MSRA: variants seen among roughly 807,000 people sequenced by gnomAD.
MSRA encodes the protein methionine sulfoxide reductase A.
MSRA carries 54 observed loss-of-function variants against 31.3 expected under a neutral mutation model. The ratio of observed to expected loss-of-function variants is 1.73; its 90% confidence interval spans 1.39 to 2.17. The LOEUF is 2.17. Ranked by LOEUF, MSRA falls within the 30% of genes most tolerant of loss-of-function variation. The pLI is 0.00. For synonymous variants in MSRA, 169 were observed against 116.5 expected (o/e 1.45, Z -2.90); for missense variants, 507 against 300.9 (o/e 1.69, Z -5.07).
chr8:10,295,053 C>A (rs959340593), intron 3 of MSRA, among the ~76,000 whole-genome samples: 2 of 152,172 alleles, frequency 1.3e-5, no homozygotes, highest in African/African-American at 2.4e-5. Flanking sequence ...ACTTACATAG[C>A]AGGCACTCCT....
intron 1 of MSRA, among the ~76,000 whole-genome samples, chr8:10,166,987 G>C (rs75117118): frequency 0.022 from 3,368 of 152,252 alleles, 117 homozygotes; most frequent in African/African-American, 0.076. Flanking sequence ...TATGAGAAGA[G>C]GATGAGGTGA....
chr8:10,403,648 A>G (rs1807607250), intron 5 of MSRA, among the ~76,000 whole-genome samples: 1 of 152,234 alleles, frequency 6.6e-6, no homozygotes. Context: ...TGTGGCCCAC[A>G]GAGGCCTGGC....
chr8:10,338,261 A>G (rs1353050990), intron 5 of MSRA, among the ~76,000 whole-genome samples: 1 of 152,206 alleles, frequency 6.6e-6, no homozygotes, highest in Non-Finnish European at 1.5e-5. Flanking sequence ...AGAAAGAAAA[A>G]TACCGCATGA....
chr8:10,404,395 C>G (rs545340406), intron 5 of MSRA, among the ~76,000 whole-genome samples: 1 of 152,232 alleles, frequency 6.6e-6, no homozygotes, highest in East Asian at 1.9e-4. Flanking sequence ...AAGTGACGAT[C>G]CCGTCACCAC....
At chr8:10,175,447 AG>A (rs1407465469) in intron 1 of MSRA, among the ~76,000 whole-genome samples, 2 of 152,260 alleles carry the variant, frequency 1.3e-5, no homozygotes, top group African/African-American at 4.8e-5. Context: ...AATGTAACAC[AG>A]GATCAACAAG....
At chr8:10,405,458 G>C (rs1234495985) in intron 5 of MSRA, among the ~76,000 whole-genome samples, 1 of 152,188 alleles carries the variant, frequency 6.6e-6, no homozygotes, top group Admixed American at 6.5e-5. Flanking sequence ...CTCTCTGCCA[G>C]ATTCTTAAAG....
intron 1 of MSRA, chr8:10,095,644 T>A (rs904314519): frequency 2.0e-6 from 2 of 994,546 alleles, no homozygotes; most frequent in Non-Finnish European, 2.4e-6. Context: ...TCAAATCAGC[T>A]TCTTTTGTCT....
chr8:10,389,036 A>T (rs756016261), intron 5 of MSRA, among the ~76,000 whole-genome samples: 2 of 152,144 alleles, frequency 1.3e-5, no homozygotes, highest in Non-Finnish European at 2.9e-5. Flanking sequence ...TTGGAACGCT[A>T]AGCTTGTGGG....
chr8:10,399,920 G>A (rs755322694), intron 5 of MSRA, among the ~76,000 whole-genome samples: 18 of 152,172 alleles, frequency 1.2e-4, no homozygotes, highest in Non-Finnish European at 2.9e-5. Flanking sequence ...TGTCAGAAAG[G>A]GAGAGCTGTT....
chr8:10,394,880 G>C (rs189412060), intron 5 of MSRA, among the ~76,000 whole-genome samples: 1 of 152,354 alleles, frequency 6.6e-6, no homozygotes, highest in East Asian at 1.9e-4. Context: ...CATGCTTATT[G>C]ATTGTAAATC....
intron 5 of MSRA, chr8:10,337,392 G>A: frequency 3.8e-6 from 1 of 261,470 alleles, no homozygotes; most frequent in Admixed American, 5.2e-5. Flanking sequence ...TGTTAGCCAG[G>A]ATGATCTGGA....
At chr8:10,126,658 G>C (rs780921736) in intron 1 of MSRA, among the ~76,000 whole-genome samples, 1 of 152,082 alleles carries the variant, frequency 6.6e-6, no homozygotes, top group Non-Finnish European at 1.5e-5. Context: ...GATTATAGGC[G>C]TCTGCCACCA....
At chr8:10,056,950 T>G (rs1802407373) in intron 1 of MSRA, among the ~76,000 whole-genome samples, 1 of 152,208 alleles carries the variant, frequency 6.6e-6, no homozygotes, top group Non-Finnish European at 1.5e-5. Flanking sequence ...GTATCAGGTG[T>G]GTACCATTAC....
At chr8:10,116,218 A>G (rs964483919) in intron 1 of MSRA, among the ~76,000 whole-genome samples, 4 of 152,234 alleles carry the variant, frequency 2.6e-5, no homozygotes, top group African/African-American at 9.6e-5. Context: ...CGTTGAGTGC[A>G]TCCTAACCCA....
intron 2 of MSRA, among the ~76,000 whole-genome samples, chr8:10,235,634 A>G (rs1010709910): frequency 1.3e-5 from 2 of 152,180 alleles, no homozygotes; most frequent in East Asian, 1.9e-4. Flanking sequence ...AAAGAGAGAT[A>G]TAAAAATATG....
At chr8:10,221,771 G>A (rs1810522665) in intron 2 of MSRA, among the ~76,000 whole-genome samples, 1 of 152,020 alleles carries the variant, frequency 6.6e-6, no homozygotes, top group Admixed American at 6.6e-5. Context: ...TTGAGGGGTT[G>A]TAATTTAAAA....
chr8:10,142,720 G>T (rs1802818827), intron 1 of MSRA, among the ~76,000 whole-genome samples: 1 of 152,142 alleles, frequency 6.6e-6, no homozygotes, highest in African/African-American at 2.4e-5. Context: ...CTTAAATGTA[G>T]TAGATTTTTC....
chr8:10,253,213 A>T (rs1391009401), intron 3 of MSRA, among the ~76,000 whole-genome samples: 1 of 152,214 alleles, frequency 6.6e-6, no homozygotes, highest in Non-Finnish European at 1.5e-5. Context: ...AGACTCCAAT[A>T]ATGTCAGGGT....
chr8:10,400,689 C>G (rs1392762032), intron 5 of MSRA, among the ~76,000 whole-genome samples: 1 of 152,064 alleles, frequency 6.6e-6, no homozygotes, highest in African/African-American at 2.4e-5. Flanking sequence ...TAGTGTTAGA[C>G]AGGAAGGCTG....
Sources: allele counts gnomAD v4.1 joint callset (sites outside exome capture counted in the v4.1 genomes callset), GRCh38; gene constraint gnomAD v4.1.1; transcripts MANE v1.5; gene names NCBI Gene and HGNC (gene_info 2026-07-23, HGNC 2026-07-21).